TMTC3: variants seen among roughly 807,000 people sequenced by gnomAD.
TMTC3 encodes the protein transmembrane O-mannosyltransferase targeting cadherins 3.
TMTC3 carries 52 observed loss-of-function variants against 92.2 expected under a neutral mutation model. The ratio of observed to expected loss-of-function variants is 0.56; its 90% CI spans 0.45 to 0.71. The LOEUF (loss-of-function observed/expected upper bound fraction) is 0.71, where lower values mean the gene tolerates loss of function less well. Among genes scored for constraint, TMTC3 ranks in the 30% least tolerant of loss-of-function variants. The probability of loss-of-function intolerance (pLI) is 0.00; values close to 1 mark genes in which losing one functional copy is unlikely to be tolerated. For missense variants in TMTC3, 896 were observed against 1,057.1 expected (o/e 0.85, Z 2.11); for synonymous variants, 339 against 363.3 (o/e 0.93, Z 0.76).
In TMTC3 at chr12:88,192,755, T is replaced by G. The variant is rs1430413058; in HGVS notation, c.1858T>G (p.Phe620Val). Residue 620 changes from phenylalanine (F) to valine (V), a missense_variant, in exon 13 of 14, where the codon TTT (phenylalanine) becomes GTT (valine). Coordinates refer to ENST00000266712, the MANE Select transcript of TMTC3 (RefSeq NM_181783.4). The part of the protein sequence containing the change: ...LKEPNEALKN[F>V]NRALELNPKH... ...AGAACCAAATGAAGCCCTAAAAAAC[T>G]TTAATCGTGCTCTGGAACTAAATCC... 6.2e-7 allele frequency: 1 copy of G among 1,613,464 alleles called. No individual in the cohort carries two copies.
chr12:88,160,204 T>C lies in TMTC3; in HGVS notation c.599T>C (p.Val200Ala). The C allele has an allele frequency of 1.9e-6, 3 of 1,569,860 alleles. No homozygotes were observed. The highest frequency in any genetic ancestry group is 2.6e-6 in the Non-Finnish European group (3 of 1,162,036). Residue 200 changes from valine (V) to alanine (A), a missense_variant, in exon 5 of 14, where the codon GTG becomes GCG. Val to Ala is a moderately conservative substitution (Grantham distance 64). Transcript: ENST00000266712. The stretch of plus-strand genomic sequence containing the variant: ...ATAACAGTTGTAGGAATTTGCTGTG[T>C]GTATGAAGTGTTTATTGCCCAGGGG... ...QGITVVGICC[V>A]YEVFIAQGYT...
At chr12:88,164,850 C>G (rs924137441) in intron 6 of TMTC3, among the ~76,000 whole-genome samples, 1 of 152,134 alleles carries the variant, frequency 6.6e-6, no homozygotes, top group African/African-American at 2.4e-5. Context: ...TAACTATCCT[C>G]CCTAGCATTT....
chr12:88,154,479 A>G lies in TMTC3; in HGVS notation c.508+92A>G, dbSNP rs981599523. ...CCAAGTGCTTCTTATAACACATTAT[A>G]TACCACATTTGGGATTTATCTTTAT... On this transcript the variant is annotated intron_variant, in intron 4 of 13. Transcript: ENST00000266712. The G allele has an allele frequency of 3.4e-5, 25 of 739,924 alleles. No individual in the cohort carries two copies. In the East Asian group the frequency reaches 5.9e-4, roughly 17 times the overall value. The allele number at this position is 739,924 out of a possible 1,614,324, so 45.8% of individuals were successfully genotyped here.
rs779885936 is a variant in TMTC3 at position 88,195,401 on chromosome 12, A to G, written c.2497A>G (p.Ile833Val). Residue 833 changes from isoleucine (I) to valine (V), a missense_variant, in exon 14 of 14, where the codon ATT becomes GTT. By Grantham distance (29) the Ile-to-Val change is conservative. Transcript: ENST00000266712. Reference sequence around the variant, plus strand: ...AGAGCCAATATTCCCAACCAGTAAGATTTCAAGTGTGGAAGGAAAGAAAAT... The same window carrying G: ...AGAGCCAATATTCCCAACCAGTAAGGTTTCAAGTGTGGAAGGAAAGAAAAT... ...FIEPIFPTSK[I>V]SSVEGKKIPT... The G allele has an allele frequency of 6.2e-7, 1 of 1,613,840 alleles. No homozygotes were observed.
At chr12:88,193,219 C>CA (rs893233522) in intron 13 of TMTC3, among the ~76,000 whole-genome samples, 3 of 151,792 alleles carry the variant, frequency 2.0e-5, no homozygotes, top group Admixed American at 6.6e-5. Context: ...CATATGTTTT[C>CA]AAAAAAATAG....
At position 88,190,503 on chromosome 12, in the gene TMTC3, T is replaced by C. The variant is rs2041429990; in HGVS notation, c.1587T>C (p.Asn529=). ...YAARIAPNHL[N]VYINLANLIR... The stretch of plus-strand genomic sequence containing the variant: ...CCAGAATTGCCCCTAACCACCTAAA[T>C]GTTTATATCAATCTGGCTAACCTGA... Residue 529 remains asparagine (N), a synonymous_variant, in exon 12 of 14, where the codon AAT becomes AAC. Transcript: ENST00000266712. 1 of 1,613,894 alleles carries C rather than the reference T, an allele frequency of 6.2e-7. No homozygotes were observed. Among genetic ancestry groups the C allele is most frequent in the Non-Finnish European group, 8.5e-7 (1 of 1,179,878 alleles).
chr12:88,194,810 A>C, intron 13 of TMTC3, 28 bp from the exon 14 acceptor site: 1 of 1,380,482 alleles, frequency 7.2e-7, no homozygotes, highest in South Asian at 1.6e-5. Flanking sequence ...TATTAACAAT[A>C]TATTTTTTCT....
At chr12:88,186,606 AAGTTCCTTT>A (rs1170947016) in intron 10 of TMTC3, among the ~76,000 whole-genome samples, 1 of 152,028 alleles carries the variant, frequency 6.6e-6, no homozygotes, top group East Asian at 1.9e-4. Context: ...TTGTTCTTTG[AAGTTCCTTT>A]AGTTTCTTTA....
chr12:88,192,522 A>G, intron 12 of TMTC3, 82 bp from the exon 13 acceptor site: 2 of 964,388 alleles, frequency 2.1e-6, no homozygotes, highest in Non-Finnish European at 3.2e-6. Context: ...GTATGTGGAA[A>G]GGCTTAAAAC....
intron 10 of TMTC3, among the ~76,000 whole-genome samples, chr12:88,183,541 A>G (rs1007523626): frequency 8.6e-5 from 13 of 151,864 alleles, no homozygotes; most frequent in African/African-American, 1.2e-4. Flanking sequence ...TTTGCCCTTT[A>G]CTGGTGGGGC....
chr12:88,163,829 G>A (rs1467903517), intron 6 of TMTC3, among the ~76,000 whole-genome samples: 1 of 152,126 alleles, frequency 6.6e-6, no homozygotes, highest in Non-Finnish European at 1.5e-5. Context: ...GGGTAGACAT[G>A]AATTTTTTAG....
At chr12:88,143,940 C>G (rs2040833418) in intron 1 of TMTC3, among the ~76,000 whole-genome samples, 1 of 152,132 alleles carries the variant, frequency 6.6e-6, no homozygotes, top group African/African-American at 2.4e-5. Flanking sequence ...CCTTTTTAGA[C>G]TATATAGAGT....
intron 3 of TMTC3, among the ~76,000 whole-genome samples, 186 bp downstream of exon 3, chr12:88,153,695 T>C (rs545317734): frequency 1.3e-5 from 2 of 152,210 alleles, no homozygotes; most frequent in Non-Finnish European, 2.9e-5. Context: ...AACTTCCTAC[T>C]GTGTAAAATT....
At position 88,160,705 on chromosome 12, in the gene TMTC3, T is replaced by C. The variant is rs2041066525; in HGVS notation, c.651T>C (p.Thr217=). 2.5e-6 allele frequency: 4 copies of C among 1,613,618 alleles called. No homozygotes were observed. Among genetic ancestry groups the C allele is most frequent in the Non-Finnish European group, 3.4e-6 (4 of 1,179,752 alleles). The stretch of plus-strand genomic sequence containing the variant: ...ATACTTTGCCATTACTATGTACTAC[T>C]GCTGGACAGTTTCTCCGTGGAAAGG... ...QGYTLPLLCT[T]AGQFLRGKGS... is the part of the protein sequence containing the mutation. Residue 217 remains threonine, a synonymous_variant, in exon 6 of 14, where the codon ACT becomes ACC. Coordinates refer to ENST00000266712, the MANE Select transcript of TMTC3 (RefSeq NM_181783.4).
intron 2 of TMTC3, among the ~76,000 whole-genome samples, chr12:88,149,689 C>G (rs2040917868): frequency 6.6e-6 from 1 of 152,102 alleles, no homozygotes; most frequent in Non-Finnish European, 1.5e-5. Flanking sequence ...TTCCCCATTC[C>G]CCAAATTTGG....
At chr12:88,151,683 T>C (rs896589224) in intron 2 of TMTC3, among the ~76,000 whole-genome samples, 2 of 152,198 alleles carry the variant, frequency 1.3e-5, no homozygotes, top group African/African-American at 2.4e-5. Context: ...TCAAAATACA[T>C]ATTCCCTTCT....
intron 5 of TMTC3, 53 bp from the exon 6 acceptor site, chr12:88,160,626 A>G: frequency 6.6e-7 from 1 of 1,509,444 alleles, no homozygotes; most frequent in Admixed American, 1.8e-5. Flanking sequence ...CAGTATTGAA[A>G]ACATTGAGAT....
chr12:88,173,856 A>G (rs966045118), intron 8 of TMTC3, among the ~76,000 whole-genome samples: 3 of 152,138 alleles, frequency 2.0e-5, no homozygotes, highest in African/African-American at 7.2e-5. Flanking sequence ...ATCCAAGATC[A>G]CACAGCTAGT....
At chr12:88,179,356 G>A (rs1241255011) in intron 10 of TMTC3, among the ~76,000 whole-genome samples, 1 of 152,110 alleles carries the variant, frequency 6.6e-6, no homozygotes, top group East Asian at 1.9e-4. Flanking sequence ...TAAAAGTTTG[G>A]ACTCTGGCAT....
Sources: gnomAD v4.1 joint callset for allele counts (sites outside exome capture counted in the v4.1 genomes callset) on GRCh38, gnomAD v4.1.1 for gene constraint, MANE v1.5 for transcripts, NCBI Gene and HGNC (gene_info 2026-07-23, HGNC 2026-07-21) for gene names.